The following KIF20B variants were observed in gnomAD, a reference collection of about 807,000 sequenced individuals.
KIF20B encodes kinesin family member 20B, also known as kinesin-like protein KIF20B.
Under a neutral mutation model 232.5 loss-of-function variants are expected in KIF20B, and 188 were observed. That is an observed-to-expected ratio of 0.81 (90% confidence interval 0.72 to 0.91). The LOEUF (loss-of-function observed/expected upper bound fraction) is 0.91. KIF20B is among the 40% of genes least tolerant of loss of function. The pLI, the probability that KIF20B is intolerant of heterozygous loss-of-function variation, is 0.00. For synonymous variants in KIF20B, 712 were observed against 683.0 expected, an observed-to-expected ratio of 1.04 and a Z score of -0.66; for missense variants, 2,154 against 2,055.9, an observed-to-expected ratio of 1.05 and a Z score of -0.92.
intron 27 of KIF20B, 90 bp downstream of exon 27, chr10:89,758,972 A>G (rs1386517389): frequency 1.3e-6 from 1 of 743,166 alleles, no homozygotes; most frequent in African/African-American, 1.8e-5. Flanking sequence ...TGTAAGTCTC[A>G]ATAGACCAAA....
chr10:89,722,451 T>C (rs1172513669), intron 13 of KIF20B, among the ~76,000 whole-genome samples: 1 of 152,098 alleles, frequency 6.6e-6, no homozygotes, highest in African/African-American at 2.4e-5. Flanking sequence ...GGGTGGATCA[T>C]GAGGTTGAGA....
chr10:89,752,439 G>T, intron 24 of KIF20B, 128 bp from the exon 25 acceptor site: 1 of 577,924 alleles, frequency 1.7e-6, no homozygotes, highest in East Asian at 3.7e-5. Flanking sequence ...AATAGCCTCA[G>T]TTCCATCTTG....
At chr10:89,733,151 A>C in intron 19 of KIF20B, 95 bp downstream of exon 19, 1 of 1,290,660 alleles carries the variant, frequency 7.7e-7, no homozygotes, top group Non-Finnish European at 1.1e-6. Flanking sequence ...CACTTGTCTA[A>C]GGAAAAATCT....
At chr10:89,767,572 T>C (rs10881665) in intron 29 of KIF20B, among the ~76,000 whole-genome samples, 46,213 of 151,538 alleles carry the variant, frequency 0.3, 7,840 homozygotes, top group African/African-American at 0.45. Flanking sequence ...CCCTTTTTCC[T>C]GAACTTTTAT....
chr10:89,725,722 C>T (rs890539986), intron 15 of KIF20B, among the ~76,000 whole-genome samples: 2 of 152,174 alleles, frequency 1.3e-5, no homozygotes, highest in African/African-American at 2.4e-5. Context: ...TACAGGTGCA[C>T]GCCACTGTGC....
intron 29 of KIF20B, among the ~76,000 whole-genome samples, chr10:89,764,324 CTT>C (rs1842308622): frequency 6.6e-6 from 1 of 152,000 alleles, no homozygotes; most frequent in Admixed American, 6.6e-5. Context: ...GGTTCCAAGT[CTT>C]TGCTATTGTG....
Position 89,738,577 on chromosome 10 carries a change from A to AAAGAAG in KIF20B, c.3748_3753dup (p.Glu1250_Glu1251dup). 6.5e-7 allele frequency: 1 copy of AAAGAAG among 1,543,774 alleles called. No homozygotes were observed. The highest frequency in any genetic ancestry group is 8.7e-7 in the Non-Finnish European group (1 of 1,145,898). On this transcript the variant is annotated inframe_insertion, in exon 20 of 33. Transcript: ENST00000371728. ...AGATATGAAACATTTACTTCAATTA[A>AAAGAAG]AAGAAGAAGAAGAAGAAACCAACAG...
intron 31 of KIF20B, 56 bp downstream of exon 31, chr10:89,768,944 A>G: frequency 7.2e-7 from 1 of 1,393,636 alleles, no homozygotes; most frequent in Non-Finnish European, 9.8e-7. Flanking sequence ...GTATATTTTA[A>G]TACCTAATTG....
chr10:89,734,872 T>A (rs1159656277), intron 19 of KIF20B, among the ~76,000 whole-genome samples: 1 of 152,162 alleles, frequency 6.6e-6, no homozygotes, highest in East Asian at 1.9e-4. Flanking sequence ...TATGTTAAGA[T>A]CCCAAAGGTA....
intron 18 of KIF20B, among the ~76,000 whole-genome samples, chr10:89,731,772 T>G (rs539394741): frequency 2.2e-4 from 33 of 152,284 alleles, no homozygotes; most frequent in African/African-American, 7.7e-4. Flanking sequence ...GTCCCATGAT[T>G]TTGTCATTTA....
In KIF20B at chr10:89,742,699, C is replaced by CTTT. The variant is rs34668146; in HGVS notation, c.3916-1092_3916-1090dup. On this transcript the variant is annotated intron_variant, in intron 21 of 32. Transcript: ENST00000371728. ...TACTATAATAAGGGCATCTTCAAGC[C>CTTT]TTTTTTTTTTTTTTTTTTTGGGCGG... Among the ~76,000 whole-genome samples the CTTT allele has an allele frequency of 1.4e-4, 16 of 118,242 alleles. 1 individual carries two copies. The highest frequency in any genetic ancestry group is 2.9e-4 in the African/African-American group (9 of 30,632). 77.6% of individuals were successfully genotyped at this position (118,242 alleles called of 152,430 possible). A position where few individuals can be genotyped will look rare whatever the true frequency, so the allele number is the denominator to read the frequency against.
In KIF20B at chr10:89,717,724, T is replaced by G. The variant is rs1160303055; in HGVS notation, c.1271+2T>G. 1.9e-6 allele frequency: 3 copies of G among 1,579,918 alleles called. No individual in the cohort carries two copies. Among genetic ancestry groups the G allele is most frequent in the Admixed American group, 3.7e-5 (2 of 53,726 alleles). ...CTTGAAGAATAGTGAAAAGTCAAAG[T>G]AAGTGTTTCTGAAAGTGTTATTAGC... On this transcript the variant is annotated splice_donor_variant, in intron 11 of 32. Transcript: ENST00000371728. LOFTEE classifies it high-confidence loss of function.
chr10:89,742,734 CTG>C, intron 21 of KIF20B, among the ~76,000 whole-genome samples: 2 of 136,880 alleles, frequency 1.5e-5, no homozygotes, highest in South Asian at 4.9e-4. Flanking sequence ...GAGTCTCACT[CTG>C]TTGCCCAGGC....
In KIF20B at chr10:89,709,655, A is replaced by G. The variant is rs550056284; in HGVS notation, c.351+194A>G. Among the ~76,000 whole-genome samples the G allele has an allele frequency of 1.2e-4, 18 of 151,346 alleles. No homozygotes were observed. In the East Asian group the frequency reaches 2.5e-3, roughly 21 times the overall value. ...AGATCACTGTAGTGTTATTAAAGTT[A>G]TTATTACTATATTTTTATTAAAGTT... On this transcript the variant is annotated intron_variant, in intron 4 of 32. Coordinates refer to ENST00000371728, the MANE Select transcript of KIF20B (RefSeq NM_001284259.2).
chr10:89,750,572 A>T (rs535635894), intron 23 of KIF20B, among the ~76,000 whole-genome samples: 9 of 152,192 alleles, frequency 5.9e-5, no homozygotes, highest in Non-Finnish European at 1.2e-4. Context: ...CTATGCATTT[A>T]TAGCTTTATC....
chr10:89,714,979 T>C lies in KIF20B; in HGVS notation c.737T>C (p.Ile246Thr). Reference protein sequence around the residue: ...LYGSLTNSLNISEFEESIKDY... With the variant: ...LYGSLTNSLNTSEFEESIKDY... The stretch of plus-strand genomic sequence containing the variant: ...GGAAGTTTAACTAACTCTTTGAATA[T>C]CTCAGAGTTTGAAGAATCCATAAAA... Residue 246 changes from isoleucine (I) to threonine (T), a missense_variant, in exon 8 of 33, where the codon ATC becomes ACC. Transcript: ENST00000371728. 1 of 1,578,880 alleles carries C rather than the reference T, an allele frequency of 6.3e-7. No individual in the cohort carries two copies. The highest frequency in any genetic ancestry group is 8.6e-7 in the Non-Finnish European group (1 of 1,161,772).
intron 23 of KIF20B, among the ~76,000 whole-genome samples, chr10:89,749,379 AAT>A (rs1485777491): frequency 6.6e-6 from 1 of 152,184 alleles, no homozygotes; most frequent in East Asian, 1.9e-4. Flanking sequence ...ATGGAGATCT[AAT>A]ATATGTAACA....
chr10:89,705,715 A>G lies in KIF20B; in HGVS notation c.147+274A>G, dbSNP rs143589445. On this transcript the variant is annotated intron_variant, in intron 2 of 32. Transcript: ENST00000371728. ...TATTTACTACATCCGTTGTGGCACT[A>G]TAATGGCAGAGTTGAGTAGTTGTGA... Among the ~76,000 whole-genome samples the G allele has an allele frequency of 3.0e-3, 459 of 152,346 alleles. 3 individuals are homozygous for G. Among genetic ancestry groups the G allele is most frequent in the African/African-American group, 0.01 (429 of 41,586 alleles).
intron 2 of KIF20B, among the ~76,000 whole-genome samples, chr10:89,708,338 A>G (rs1007119812): frequency 3.8e-4 from 57 of 151,972 alleles, no homozygotes; most frequent in African/African-American, 1.3e-3. Context: ...TAGCCTCCCA[A>G]GTAGCTGGGA....
Sources: allele counts gnomAD v4.1 joint callset (sites outside exome capture counted in the v4.1 genomes callset), GRCh38; gene constraint gnomAD v4.1.1; transcripts MANE v1.5; gene names NCBI Gene and HGNC (gene_info 2026-07-23, HGNC 2026-07-21).